Variants in HIPK1 observed in about 807,000 individuals in gnomAD.
HIPK1 encodes the protein homeodomain-interacting protein kinase 1.
Under a neutral mutation model 117.1 loss-of-function variants are expected in HIPK1, and 28 were observed. The observed-to-expected ratio is 0.24, with a 90% CI of 0.18 to 0.33. HIPK1 has a LOEUF of 0.33. Among genes scored for constraint, HIPK1 ranks in the 10% least tolerant of loss-of-function variants. HIPK1 has a pLI of 1.00. For missense variants in HIPK1, 1,122 were observed against 1,475.1 expected (o/e 0.76, Z 3.92); for synonymous variants, 605 against 562.5 (o/e 1.08, Z -1.07).
At chr1:113,965,338 CA>C (rs1672378060) in intron 10 of HIPK1, among the ~76,000 whole-genome samples, 1 of 151,682 alleles carries the variant, frequency 6.6e-6, no homozygotes, top group East Asian at 1.9e-4. Context: ...GTACAGAAAA[CA>C]TTTGTTGCTC....
chr1:113,964,692 T>A (rs1672335012), intron 10 of HIPK1, among the ~76,000 whole-genome samples: 1 of 152,222 alleles, frequency 6.6e-6, no homozygotes, highest in Non-Finnish European at 1.5e-5. Flanking sequence ...CCAGATTAAT[T>A]TTCTTGTAAG....
intron 10 of HIPK1, among the ~76,000 whole-genome samples, chr1:113,963,796 C>A (rs777691874): frequency 5.3e-5 from 8 of 152,140 alleles, no homozygotes; most frequent in Non-Finnish European, 1.0e-4. Flanking sequence ...TCCCTTGATT[C>A]TTCTTTGCCA....
At chr1:113,966,037 TTTA>T in intron 10 of HIPK1, 90 bp from the exon 11 acceptor site, 1 of 1,298,938 alleles carries the variant, frequency 7.7e-7, no homozygotes, top group Non-Finnish European at 1.1e-6. Flanking sequence ...AGCAACTTCT[TTTA>T]AGATATGAAT....
chr1:113,949,036 T>C (rs1246324117), intron 2 of HIPK1, among the ~76,000 whole-genome samples: 8 of 152,082 alleles, frequency 5.3e-5, no homozygotes, highest in African/African-American at 1.7e-4. Context: ...CTGGGTTTCA[T>C]CATGTTGGCC....
At chr1:113,966,411 G>A in intron 11 of HIPK1, 139 bp downstream of exon 11, 4 of 671,358 alleles carry the variant, frequency 6.0e-6, no homozygotes, top group South Asian at 3.0e-5. Flanking sequence ...CCCATATCAG[G>A]CTAGGAGATG....
chr1:113,948,555 AT>A (rs57302174), intron 2 of HIPK1, among the ~76,000 whole-genome samples: 3,119 of 139,248 alleles, frequency 0.022, 69 homozygotes, highest in African/African-American at 0.061. Flanking sequence ...TTCTGGCCGT[AT>A]TTTTTTTTTT....
Position 113,955,645 on chromosome 1 carries a change from C to T in HIPK1, c.1403C>T (p.Ala468Val). ...KYIFNCLDDM[A>V]QVNMSTDLEG... is the part of the protein sequence containing the mutation. ...ATTTTTAATTGCTTAGATGACATGG[C>T]TCAGGTGAGTACGGAAAGTTTCAGA... The change falls in exon 5 of 16, where the codon GCT (alanine) becomes GTT (valine). Residue 468 changes from alanine (A) to valine (V), a missense_variant. Around this residue, in one of 6 missense-constraint regions of HIPK1, gnomAD observed 127 missense variants for 197.9 expected, o/e 0.64. Coordinates refer to ENST00000426820, the MANE Select transcript of HIPK1 (RefSeq NM_198268.3). 1 of 1,572,778 alleles carries T rather than the reference C, an allele frequency of 6.4e-7. No homozygotes were observed. Among genetic ancestry groups the T allele is most frequent in the Non-Finnish European group, 8.7e-7 (1 of 1,145,534 alleles).
intron 8 of HIPK1, among the ~76,000 whole-genome samples, chr1:113,959,517 T>C (rs1671954009): frequency 1.3e-5 from 2 of 152,212 alleles, no homozygotes; most frequent in Admixed American, 1.3e-4. Context: ...TTAGCCACTT[T>C]TTTCACCACT....
In HIPK1 at chr1:113,970,057, T is replaced by C; in HGVS notation, c.2873T>C (p.Leu958Pro). 6.2e-7 allele frequency: 1 copy of C among 1,614,230 alleles called. No individual in the cohort carries two copies. The change falls in exon 14 of 16, where the codon CTG becomes CCG. Residue 958 changes from leucine (L) to proline (P), a missense_variant. Around this residue, in one of 6 missense-constraint regions of HIPK1, gnomAD observed 731 missense variants for 860.4 expected, o/e 0.85. Coordinates refer to ENST00000426820, the MANE Select transcript of HIPK1 (RefSeq NM_198268.3). ...SLSSPYSTDT[L>P]SALRGNSGSV... The stretch of plus-strand genomic sequence containing the variant: ...AGCAGCCCTTATTCCACTGATACCC[T>C]GAGTGCTCTCCGAGGCAATAGTGGA...
chr1:113,965,558 AG>A lies in HIPK1; in HGVS notation c.2239-571del, dbSNP rs570054803. Among the ~76,000 whole-genome samples the A allele has an allele frequency of 4.2e-3, 634 of 152,280 alleles. 5 individuals carry two copies. The highest frequency in any genetic ancestry group is 0.015 in the African/African-American group (606 of 41,564). Reference sequence around the variant, plus strand: ...TCCATTATGTGGCTATAAATGATGAAGTTAGCTTTTTCTTGCTGGCATAAGA... The same window carrying A: ...TCCATTATGTGGCTATAAATGATGAATTAGCTTTTTCTTGCTGGCATAAGA... On this transcript the variant is annotated intron_variant, in intron 10 of 15. Coordinates refer to ENST00000426820, the MANE Select transcript of HIPK1 (RefSeq NM_198268.3).
rs1673130151 is a variant in HIPK1 at position 113,976,262 on chromosome 1, A to G, written c.*2750A>G. On this transcript the variant is annotated 3_prime_UTR_variant, in exon 16 of 16. Transcript: ENST00000426820. The stretch of plus-strand genomic sequence containing the variant: ...TGGTCAAGATAGCCAAGCAGTTTGT[A>G]TAATTTCTGTCACTAGTGTCATACA... 1 of 152,434 alleles carries G rather than the reference A, an allele frequency of 6.6e-6. No homozygotes were observed. Among genetic ancestry groups the G allele is most frequent in the Non-Finnish European group, 1.5e-5 (1 of 68,044 alleles). 9.4% of individuals were successfully genotyped at this position (152,434 alleles called of 1,614,324 possible). A position where few individuals can be genotyped will look rare whatever the true frequency, so the allele number is the denominator to read the frequency against.
Position 113,971,962 on chromosome 1 carries a change from C to T in HIPK1, c.3144+8C>T, listed in dbSNP as rs1335909593. On this transcript the variant is annotated splice_region_variant and intron_variant, in intron 15 of 15. Transcript: ENST00000426820. Reference sequence around the variant, plus strand: ...CCACTCAATCTTAGCCAGGTAAGTGCTATGGGCTACTGCCTTCTGTTTGGG... The same window carrying T: ...CCACTCAATCTTAGCCAGGTAAGTGTTATGGGCTACTGCCTTCTGTTTGGG... The T allele has an allele frequency of 1.2e-6, 2 of 1,612,554 alleles. No individual in the cohort carries two copies. Among genetic ancestry groups the T allele is most frequent in the Non-Finnish European group, 1.7e-6 (2 of 1,179,340 alleles).
At chr1:113,953,273 G>A (rs1034961300) in intron 3 of HIPK1, among the ~76,000 whole-genome samples, 9 of 152,066 alleles carry the variant, frequency 5.9e-5, no homozygotes, top group Non-Finnish European at 1.2e-4. Context: ...TTACTTTTAC[G>A]CATGACACAC....
chr1:113,975,467 A>C lies in HIPK1; in HGVS notation c.*1955A>C, dbSNP rs1484563029. 6.5e-6 allele frequency: 1 copy of C among 152,772 alleles called. No individual in the cohort carries two copies. The highest frequency in any genetic ancestry group is 1.5e-5 in the Non-Finnish European group (1 of 68,034). 9.5% of individuals were successfully genotyped at this position (152,772 alleles called of 1,614,324 possible). On this transcript the variant is annotated 3_prime_UTR_variant, in exon 16 of 16. Transcript: ENST00000426820. ...GGAAGCAGGTGAGAGGAGTCAAGCC[A>C]ATATTAAATATGCATTCTTTTAAAG... is the stretch of plus-strand genomic sequence containing the variant.
In HIPK1 at chr1:113,966,110, T is replaced by G; in HGVS notation, c.2239-20T>G. 1 of 1,605,256 alleles carries G rather than the reference T, an allele frequency of 6.2e-7. No homozygotes were observed. The highest frequency in any genetic ancestry group is 8.5e-7 in the Non-Finnish European group (1 of 1,177,164). ...AGAATGAATCAAGTCTGGATGTTTT[T>G]TATGTGTGTTTCCTTACAGCAGGCG... On this transcript the variant is annotated intron_variant, in intron 10 of 15. Coordinates refer to ENST00000426820, the MANE Select transcript of HIPK1 (RefSeq NM_198268.3).
At position 113,929,380 on chromosome 1, in the gene HIPK1, T is replaced by C; in HGVS notation, c.-155T>C. ...CAGGCACCTTTAAATCACCGCAGAG[T>C]CTGCAGTGCGGAGGGGGCGGGAAGT... On this transcript the variant is annotated 5_prime_UTR_variant, in exon 1 of 16. Coordinates refer to ENST00000426820, the MANE Select transcript of HIPK1 (RefSeq NM_198268.3). The C allele has an allele frequency of 7.8e-7, 1 of 1,289,278 alleles. No homozygotes were observed. Among genetic ancestry groups the C allele is most frequent in the Non-Finnish European group, 1.0e-6 (1 of 988,824 alleles). The allele number at this position is 1,289,278 out of a possible 1,614,324, so 79.9% of individuals were successfully genotyped here.
At chr1:113,969,868 C>T (rs1672704009) in intron 13 of HIPK1, 88 bp from the exon 14 acceptor site, 1 of 1,464,496 alleles carries the variant, frequency 6.8e-7, no homozygotes, top group Non-Finnish European at 9.4e-7. Context: ...GATCACTCCA[C>T]TGCACTCCAG....
chr1:113,967,500 G>A (rs1310399276), intron 11 of HIPK1, among the ~76,000 whole-genome samples: 1 of 152,052 alleles, frequency 6.6e-6, no homozygotes, highest in African/African-American at 2.4e-5. Context: ...CTTTTCATAT[G>A]CCTGTTTGTC....
intron 1 of HIPK1, 168 bp downstream of exon 1, chr1:113,929,700 G>A: frequency 1.2e-6 from 1 of 842,760 alleles, no homozygotes; most frequent in East Asian, 1.1e-4. Flanking sequence ...AGGCGGGAGC[G>A]CGCGGGGCTG....
Sources: allele counts gnomAD v4.1 joint callset (sites outside exome capture counted in the v4.1 genomes callset), GRCh38; gene constraint gnomAD v4.1.1; regional missense constraint gnomAD v4.1.1; transcripts MANE v1.5; gene names NCBI Gene and HGNC (gene_info 2026-07-23, HGNC 2026-07-21).